C5: variants seen among roughly 807,000 people sequenced by gnomAD.
The protein encoded by C5 is complement C5.
Under a neutral mutation model 218.8 loss-of-function variants are expected in C5, and 140 were observed. The observed-to-expected ratio is 0.64, with a 90% CI of 0.56 to 0.74. C5 has a LOEUF of 0.74. Ranked by LOEUF, C5 falls within the 30% of genes least tolerant of loss-of-function variation. The pLI is 0.00. For missense variants in C5, 1,700 were observed against 1,969.6 expected (o/e 0.86, Z 2.59); for synonymous variants, 614 against 682.3 (o/e 0.90, Z 1.56).
At chr9:121,002,266 A>G (rs1464670116) in intron 20 of C5, among the ~76,000 whole-genome samples, 1 of 131,874 alleles carries the variant, frequency 7.6e-6, no homozygotes, top group Admixed American at 8.2e-5. Flanking sequence ...ATATATGTAT[A>G]TATATGTATA....
At chr9:120,982,618 T>G in intron 26 of C5, 37 bp downstream of exon 26, 2 of 1,496,920 alleles carry the variant, frequency 1.3e-6, no homozygotes, top group Middle Eastern at 3.4e-4. Context: ...TCAAACTAAA[T>G]AAAACTATTG....
chr9:121,052,453 GAAAAAAA>G (rs1192286050), upstream of C5, among the ~76,000 whole-genome samples: 1 of 63,260 alleles, frequency 1.6e-5, no homozygotes, highest in East Asian at 6.1e-4. Context: ...CTCCATCTCA[GAAAAAAA>G]AAAAAAAAAA....
At chr9:121,052,139 C>T (rs1373612525), upstream of C5, among the ~76,000 whole-genome samples, 2 of 152,058 alleles carry the variant, frequency 1.3e-5, no homozygotes, top group Non-Finnish European at 1.5e-5. Flanking sequence ...AATTTTTTAT[C>T]TACCTTCTAA....
chr9:121,002,300 A>ATATATG (rs1366442107), intron 20 of C5, among the ~76,000 whole-genome samples: 2 of 75,920 alleles, frequency 2.6e-5, no homozygotes, highest in African/African-American at 8.6e-5. Context: ...GTATATATGT[A>ATATATG]TATATATATG....
At chr9:120,978,122 C>A (rs1405941601) in intron 28 of C5, among the ~76,000 whole-genome samples, 1 of 152,022 alleles carries the variant, frequency 6.6e-6, no homozygotes, top group Non-Finnish European at 1.5e-5. Context: ...TTCATTATTT[C>A]TTTCCAATTT....
At chr9:121,016,535 T>G in intron 14 of C5, 152 bp from the exon 15 acceptor site, 2 of 961,330 alleles carry the variant, frequency 2.1e-6, no homozygotes, top group Non-Finnish European at 3.2e-6. Context: ...TTCCCAACTT[T>G]GTTTCTAAGT....
Position 121,015,154 on chromosome 9 carries a change from T to C in C5, c.2059+45A>G, listed in dbSNP as rs576287787. The C allele has an allele frequency of 8.1e-5, 100 of 1,231,000 alleles. 2 individuals are homozygous for C. In the South Asian group the frequency reaches 1.2e-3, roughly 15 times the overall value. 76.3% of individuals were successfully genotyped at this position (1,231,000 alleles called of 1,614,324 possible). On this transcript the variant is annotated intron_variant, in intron 16 of 40. Transcript: ENST00000223642. ...CATTTAATTTTGTCCAGTTTTTGAA[T>C]GATATGACCATAACCTTTTTACAAT... is the stretch of plus-strand genomic sequence containing the variant.
At chr9:121,064,836 A>G in the C5 span, among the ~76,000 whole-genome samples, 204 of 152,278 alleles carry the variant, frequency 1.3e-3, 4 homozygotes, top group East Asian at 0.035. Flanking sequence ...AGGCTGAGGA[A>G]GGCGGATCAG....
intron 8 of C5, among the ~76,000 whole-genome samples, chr9:121,026,564 G>A (rs1564158046): frequency 6.6e-6 from 1 of 152,152 alleles, no homozygotes; most frequent in Non-Finnish European, 1.5e-5. Context: ...GTGCATGGTA[G>A]GAATTTAGCA....
chr9:121,004,748 G>A (rs2047202286), intron 20 of C5, among the ~76,000 whole-genome samples: 3 of 151,950 alleles, frequency 2.0e-5, no homozygotes, highest in Admixed American at 1.3e-4. Flanking sequence ...ACTCCAGCCT[G>A]GGCAATAGAA....
the C5 span, among the ~76,000 whole-genome samples, chr9:121,070,423 ATATG>A: frequency 3.0e-3 from 350 of 115,012 alleles, 6 homozygotes; most frequent in African/African-American, 0.01. Flanking sequence ...ATATATATAT[ATATG>A]TATGTATATT....
intron 20 of C5, among the ~76,000 whole-genome samples, chr9:121,004,516 G>A (rs573465814): frequency 9.7e-4 from 147 of 152,286 alleles, no homozygotes; most frequent in African/African-American, 3.4e-3. Flanking sequence ...CCTCATGCTT[G>A]TAATCCCAGT....
intron 3 of C5, among the ~76,000 whole-genome samples, chr9:121,038,941 C>G (rs1488764829): frequency 6.6e-6 from 1 of 152,198 alleles, no homozygotes; most frequent in Non-Finnish European, 1.5e-5. Flanking sequence ...TTGGGACACA[C>G]CCAGTCTAGG....
rs191466386 is a variant in C5 at position 120,957,370 on chromosome 9, T to C, written c.4679-2A>G. ...TGGATGTGATGCTAACTTTATAAGC[T>C]GGCAAAAGACAAACAACAATGAAAC... is the stretch of plus-strand genomic sequence containing the variant. On this transcript the variant is annotated splice_acceptor_variant, in intron 38 of 40. Transcript: ENST00000223642. LOFTEE classifies it high-confidence loss of function. The C allele has an allele frequency of 4.0e-5, 64 of 1,610,390 alleles. No homozygotes were observed. The highest frequency in any genetic ancestry group is 5.2e-5 in the Non-Finnish European group (61 of 1,177,164).
intron 15 of C5, 123 bp downstream of exon 15, chr9:121,016,131 G>C: frequency 2.4e-6 from 3 of 1,225,744 alleles, no homozygotes; most frequent in Non-Finnish European, 2.4e-6. Context: ...TTATACAGGT[G>C]AGTTATGTAG....
intron 25 of C5, among the ~76,000 whole-genome samples, chr9:120,986,819 C>T (rs188694129): frequency 1.0e-3 from 159 of 152,232 alleles, no homozygotes; most frequent in African/African-American, 3.7e-3. Context: ...GTTACCCAGT[C>T]TGGTCTGGAA....
intron 21 of C5, among the ~76,000 whole-genome samples, chr9:120,997,237 C>T (rs1260525302): frequency 2.6e-5 from 4 of 152,006 alleles, no homozygotes; most frequent in East Asian, 1.9e-4. Flanking sequence ...CAAAAAAAGA[C>T]GTGTACCAAT....
At chr9:120,977,975 G>A (rs1198264170) in intron 28 of C5, among the ~76,000 whole-genome samples, 3 of 152,042 alleles carry the variant, frequency 2.0e-5, no homozygotes, top group Non-Finnish European at 4.4e-5. Context: ...AAACTAGAAA[G>A]CACCATGCAT....
chr9:121,025,253 A>G (rs1383846166), intron 9 of C5, among the ~76,000 whole-genome samples: 1 of 152,216 alleles, frequency 6.6e-6, no homozygotes, highest in African/African-American at 2.4e-5. Flanking sequence ...GGCTTGTCCA[A>G]TGACTAAAAA....
Sources: gnomAD v4.1 joint callset for allele counts (sites outside exome capture counted in the v4.1 genomes callset) on GRCh38, gnomAD v4.1.1 for gene constraint, MANE v1.5 for transcripts, NCBI Gene and HGNC (gene_info 2026-07-23, HGNC 2026-07-21) for gene names.